Variants in C11orf65 observed in about 807,000 individuals in gnomAD.
C11orf65 encodes protein MFI.
In C11orf65, 38 loss-of-function variants were observed where a neutral mutation model predicts 35.3. The ratio of observed to expected loss-of-function variants is 1.08; its 90% CI spans 0.83 to 1.41. The LOEUF is 1.41. C11orf65 is among the 40% of genes most tolerant of loss of function. The pLI is 0.00. For missense variants in C11orf65, 370 were observed against 367.1 expected, an observed-to-expected ratio of 1.01 and a Z score of -0.06; for synonymous variants, 105 against 114.4, an observed-to-expected ratio of 0.92 and a Z score of 0.53.
intron 2 of C11orf65, among the ~76,000 whole-genome samples, chr11:108,458,064 T>C (rs1446488049): frequency 1.3e-5 from 2 of 152,204 alleles, no homozygotes; most frequent in Non-Finnish European, 1.5e-5. Flanking sequence ...TACTTTCTAT[T>C]GCATGGGGTA....
In C11orf65 at chr11:108,320,133, AT is replaced by A. The variant is rs2085097302; in HGVS notation, c.641-11063del. 1.5e-5 allele frequency: 17 copies of A among 1,141,290 alleles called. No homozygotes were observed. In the South Asian group the frequency reaches 2.1e-4, roughly 14 times the overall value. The allele number at this position is 1,141,290 out of a possible 1,614,324, so 70.7% of individuals were successfully genotyped here. A position where few individuals can be genotyped will look rare whatever the true frequency, so the allele number is the denominator to read the frequency against. ...TTCTTTTCTGAAAACTTGAGAAACA[AT>A]TTTAATGTAAGGATTTGCATTGATG... On this transcript the variant is annotated intron_variant, in intron 6 of 6. Coordinates refer to the C11orf65 transcript ENST00000525729.
chr11:108,444,838 G>A (rs1037387427), intron 2 of C11orf65, among the ~76,000 whole-genome samples: 3 of 152,186 alleles, frequency 2.0e-5, no homozygotes, highest in Admixed American at 1.3e-4. Context: ...AGGGGTCAGG[G>A]AGTTCCCTTT....
chr11:108,449,651 A>G (rs1346347568), intron 2 of C11orf65, among the ~76,000 whole-genome samples: 4 of 152,158 alleles, frequency 2.6e-5, no homozygotes, highest in South Asian at 4.1e-4. Flanking sequence ...TGGATTAAAG[A>G]CTTACATGTT....
intron 2 of C11orf65, among the ~76,000 whole-genome samples, chr11:108,432,984 T>C (rs1191907980): frequency 1.3e-5 from 2 of 152,132 alleles, no homozygotes; most frequent in African/African-American, 4.8e-5. Context: ...CTGGTCTTGG[T>C]TGGACTCATA....
At chr11:108,403,409 G>GTTTTTTTTTTTTTTTTTTTTTTTTT (rs71047691) in intron 6 of C11orf65, among the ~76,000 whole-genome samples, 7 of 67,302 alleles carry the variant, frequency 1.0e-4, no homozygotes, top group Non-Finnish European at 1.9e-4. Context: ...TGTTTGAGAG[G>GTTTTTTTTTTTTTTTTTTTTTTTTT]TTTTTTTTTT....
At chr11:108,450,648 T>A (rs1239984368) in intron 2 of C11orf65, among the ~76,000 whole-genome samples, 1 of 134,764 alleles carries the variant, frequency 7.4e-6, no homozygotes, top group African/African-American at 2.7e-5. Context: ...GGGGGAGGGA[T>A]AGCATTAGGA....
At chr11:108,393,726 A>C (rs1297279975) in intron 6 of C11orf65, among the ~76,000 whole-genome samples, 1 of 152,218 alleles carries the variant, frequency 6.6e-6, no homozygotes, top group African/African-American at 2.4e-5. Flanking sequence ...TGAGGAAATA[A>C]ATCTTTGAGG....
intron 2 of C11orf65, among the ~76,000 whole-genome samples, chr11:108,376,038 G>A (rs1036278978): frequency 1.3e-5 from 2 of 152,038 alleles, no homozygotes; most frequent in Admixed American, 1.3e-4. Flanking sequence ...ATAATAATGG[G>A]AGACTTTAAC....
At chr11:108,374,137 G>A (rs558061989) in intron 2 of C11orf65, among the ~76,000 whole-genome samples, 2 of 152,154 alleles carry the variant, frequency 1.3e-5, no homozygotes, top group Non-Finnish European at 2.9e-5. Flanking sequence ...GAGAGCAGTG[G>A]TTCTCCCAGC....
At position 108,407,138 on chromosome 11, in the gene C11orf65, TAGA is replaced by T; in HGVS notation, c.183_185del (p.Leu62del). ...GCACATGAATGCCAGCAGCAGCATC[TAGA>T]AGCTCTGCCTATAAGAAAATATATT... On this transcript the variant is annotated inframe_deletion, in exon 4 of 9. Transcript: ENST00000393084. 6.2e-7 allele frequency: 1 copy of T among 1,606,388 alleles called. No individual in the cohort carries two copies. Among genetic ancestry groups the T allele is most frequent in the Non-Finnish European group, 8.5e-7 (1 of 1,174,684 alleles).
At chr11:108,453,771 C>T (rs1383962117) in intron 2 of C11orf65, among the ~76,000 whole-genome samples, 1 of 152,152 alleles carries the variant, frequency 6.6e-6, no homozygotes, top group Non-Finnish European at 1.5e-5. Flanking sequence ...CTCACTTGAT[C>T]ATTATTTTAA....
upstream of C11orf65, among the ~76,000 whole-genome samples, chr11:108,469,022 G>A (rs995863595): frequency 2.6e-5 from 4 of 151,914 alleles, no homozygotes; most frequent in African/African-American, 9.7e-5. Context: ...TTTTTTGTAT[G>A]TTTAGTAGAG....
At chr11:108,355,274 T>G (rs967233519) in intron 2 of C11orf65, 46 of 233,396 alleles carry the variant, frequency 2.0e-4, no homozygotes, top group East Asian at 1.2e-3. Flanking sequence ...GAGATCAAAT[T>G]GTCAGCATCA....
intron 6 of C11orf65, among the ~76,000 whole-genome samples, chr11:108,314,369 G>T (rs972724058): frequency 1.3e-5 from 2 of 152,076 alleles, no homozygotes; most frequent in Non-Finnish European, 2.9e-5. Flanking sequence ...GCTACCCAAA[G>T]TACTGGGATT....
chr11:108,443,856 C>A (rs986385306), intron 2 of C11orf65, among the ~76,000 whole-genome samples: 15 of 151,974 alleles, frequency 9.9e-5, no homozygotes, highest in African/African-American at 3.6e-4. Context: ...AAATTACCAC[C>A]AGAGAAAGCA....
chr11:108,457,920 G>T (rs2093427070), intron 2 of C11orf65, among the ~76,000 whole-genome samples: 1 of 152,010 alleles, frequency 6.6e-6, no homozygotes, highest in Admixed American at 6.6e-5. Flanking sequence ...AAGATGCTGT[G>T]TCTAGAATCA....
intron 3 of C11orf65, among the ~76,000 whole-genome samples, chr11:108,415,843 G>A (rs1565668333): frequency 6.6e-6 from 1 of 152,030 alleles, no homozygotes; most frequent in Non-Finnish European, 1.5e-5. Context: ...AAGGGGCAAA[G>A]GCAATTTAGT....
At chr11:108,458,714 TTA>T (rs2093436051) in intron 2 of C11orf65, among the ~76,000 whole-genome samples, 1 of 152,232 alleles carries the variant, frequency 6.6e-6, no homozygotes, top group Admixed American at 6.5e-5. Context: ...AAGTATTTTA[TTA>T]ATTTTTTGAC....
chr11:108,394,931 G>C (rs1477282256), intron 6 of C11orf65, among the ~76,000 whole-genome samples: 1 of 152,012 alleles, frequency 6.6e-6, no homozygotes, highest in Non-Finnish European at 1.5e-5. Flanking sequence ...AGAAGTTTAA[G>C]AACATACTGG....
Sources: gnomAD v4.1 joint callset for allele counts (sites outside exome capture counted in the v4.1 genomes callset) on GRCh38, gnomAD v4.1.1 for gene constraint, MANE v1.5 for transcripts, NCBI Gene and HGNC (gene_info 2026-07-23, HGNC 2026-07-21) for gene names.